CDH8: variants seen among roughly 807,000 people sequenced by gnomAD.
The protein encoded by CDH8 is cadherin 8, also known as cadherin-8.
CDH8 carries 17 observed loss-of-function variants against 68.1 expected under a neutral mutation model. The ratio of observed to expected loss-of-function variants is 0.25; its 90% CI spans 0.17 to 0.37. CDH8 has a LOEUF of 0.37. Ranked by LOEUF, CDH8 falls within the 10% of genes least tolerant of loss-of-function variation. The pLI is 1.00. For synonymous variants in CDH8, 372 were observed against 365.1 expected, an observed-to-expected ratio of 1.02 and a Z score of -0.21; for missense variants, 763 against 999.3, an observed-to-expected ratio of 0.76 and a Z score of 3.19.
At chr16:61,965,558 A>G (rs1965233371) in intron 2 of CDH8, among the ~76,000 whole-genome samples, 1 of 152,238 alleles carries the variant, frequency 6.6e-6, no homozygotes, top group Non-Finnish European at 1.5e-5. Flanking sequence ...TCAGAAAACT[A>G]TCAGTAAAAT....
Position 61,801,923 on chromosome 16 carries a change from A to G in CDH8, c.1278-12441T>C, listed in dbSNP as rs1223535257. Among the ~76,000 whole-genome samples, 3 of 147,238 alleles carry G rather than the reference A, an allele frequency of 2.0e-5. No individual in the cohort carries two copies. In the East Asian group the frequency reaches 6.0e-4, roughly 29 times the overall value. On this transcript the variant is annotated intron_variant, in intron 7 of 11. Transcript: ENST00000577390. Reference sequence around the variant, plus strand: ...CGCCATTGCCCAGGCTTGCTTAGGTAAACAAAGCAGCCGGGAAGCTCCAAC... The same window carrying G: ...CGCCATTGCCCAGGCTTGCTTAGGTGAACAAAGCAGCCGGGAAGCTCCAAC...
intron 4 of CDH8, among the ~76,000 whole-genome samples, chr16:61,850,779 T>A (rs918221701): frequency 2.0e-5 from 3 of 152,012 alleles, no homozygotes; most frequent in Admixed American, 6.6e-5. Flanking sequence ...TTCTCTGTTA[T>A]CACTACTCTA....
chr16:61,890,491 T>C (rs562871823), intron 3 of CDH8, among the ~76,000 whole-genome samples: 1 of 152,116 alleles, frequency 6.6e-6, no homozygotes, highest in African/African-American at 2.4e-5. Flanking sequence ...ATTCAAATTA[T>C]CAGATGCCTA....
intron 2 of CDH8, among the ~76,000 whole-genome samples, chr16:61,978,859 T>G (rs144824384): frequency 5.8e-4 from 89 of 152,266 alleles, no homozygotes; most frequent in Non-Finnish European, 5.7e-4. Context: ...GTAACACACA[T>G]GCTGTTTTTG....
chr16:61,900,960 G>T (rs969690423), intron 3 of CDH8, among the ~76,000 whole-genome samples: 2 of 152,160 alleles, frequency 1.3e-5, no homozygotes, highest in South Asian at 2.1e-4. Flanking sequence ...GTCATGTAAG[G>T]AAAGATATTT....
intron 4 of CDH8, among the ~76,000 whole-genome samples, chr16:61,829,830 G>A (rs1249452642): frequency 6.6e-6 from 1 of 151,770 alleles, no homozygotes; most frequent in Non-Finnish European, 1.5e-5. Flanking sequence ...TCAACCCCAT[G>A]ACTAGCAGAA....
chr16:61,752,527 G>A (rs540580376), intron 8 of CDH8, among the ~76,000 whole-genome samples: 1 of 152,190 alleles, frequency 6.6e-6, no homozygotes, highest in African/African-American at 2.4e-5. Flanking sequence ...TGTTCTTGTA[G>A]GATATTTTAT....
At position 61,928,828 on chromosome 16, in the gene CDH8, G is replaced by A. The variant is rs537704376; in HGVS notation, c.253-27355C>T. Among the ~76,000 whole-genome samples the A allele has an allele frequency of 7.2e-5, 11 of 152,316 alleles. 1 individual carries two copies. The highest frequency in any genetic ancestry group is 2.6e-4 in the African/African-American group (11 of 41,574). On this transcript the variant is annotated intron_variant, in intron 2 of 11. Transcript: ENST00000577390. ...AATGGCATCTGAACATTGTAGAAAA[G>A]GGACATCTACATAAAAGCAGAAGTG...
chr16:61,852,564 A>G (rs1466917089), intron 4 of CDH8, among the ~76,000 whole-genome samples: 1 of 152,088 alleles, frequency 6.6e-6, no homozygotes, highest in Admixed American at 6.6e-5. Context: ...CACTTAAAAC[A>G]TAGTATGAGA....
At chr16:61,998,248 T>G (rs1244772672) in intron 2 of CDH8, among the ~76,000 whole-genome samples, 1 of 152,180 alleles carries the variant, frequency 6.6e-6, no homozygotes, top group Admixed American at 6.6e-5. Flanking sequence ...TGTATTATTA[T>G]TAATATATTG....
At chr16:61,727,538 A>C (rs1468272012) in intron 8 of CDH8, among the ~76,000 whole-genome samples, 2 of 151,094 alleles carry the variant, frequency 1.3e-5, no homozygotes, top group Admixed American at 1.3e-4. Context: ...AAAATGTTGT[A>C]TACAACAAAA....
chr16:61,997,093 C>G (rs1323289812), intron 2 of CDH8, among the ~76,000 whole-genome samples: 1 of 151,778 alleles, frequency 6.6e-6, no homozygotes, highest in Non-Finnish European at 1.5e-5. Flanking sequence ...TCTCCTTTAT[C>G]CTAAGATTCA....
chr16:61,763,727 T>A (rs905404138), intron 8 of CDH8, among the ~76,000 whole-genome samples: 10 of 152,236 alleles, frequency 6.6e-5, no homozygotes, highest in Middle Eastern at 3.4e-3. Flanking sequence ...AGTAGATAGA[T>A]TTCAAGGGAA....
intron 7 of CDH8, among the ~76,000 whole-genome samples, chr16:61,815,607 T>C (rs985981724): frequency 2.0e-5 from 3 of 152,128 alleles, no homozygotes; most frequent in Non-Finnish European, 4.4e-5. Flanking sequence ...TGCTGATATC[T>C]GAACCCTTAT....
At chr16:61,896,420 C>T (rs901793987) in intron 3 of CDH8, among the ~76,000 whole-genome samples, 2 of 152,302 alleles carry the variant, frequency 1.3e-5, no homozygotes, top group Admixed American at 6.5e-5. Flanking sequence ...ACTTTCTGCA[C>T]AATGAAATCC....
At chr16:61,700,382 G>A (rs1964401105) in intron 10 of CDH8, among the ~76,000 whole-genome samples, 1 of 151,454 alleles carries the variant, frequency 6.6e-6, no homozygotes, top group South Asian at 2.1e-4. Context: ...CTGGGTTCAA[G>A]CGATTCTCCT....
chr16:61,970,174 T>C (rs1172187984), intron 2 of CDH8, among the ~76,000 whole-genome samples: 1 of 152,204 alleles, frequency 6.6e-6, no homozygotes, highest in Non-Finnish European at 1.5e-5. Context: ...GTACTCTGCA[T>C]TACACCAAGA....
At chr16:61,655,353 G>C in intron 11 of CDH8, 117 bp downstream of exon 11, 4 of 979,154 alleles carry the variant, frequency 4.1e-6, no homozygotes, top group Non-Finnish European at 6.1e-6. Context: ...AGGAAAGGAA[G>C]TTCCTCTTCC....
chr16:61,973,804 C>A (rs1479945586), intron 2 of CDH8, among the ~76,000 whole-genome samples: 4 of 152,222 alleles, frequency 2.6e-5, no homozygotes, highest in African/African-American at 9.7e-5. Flanking sequence ...TTATAATTTG[C>A]AAATCGATAT....
Sources: gnomAD v4.1 joint callset for allele counts (sites outside exome capture counted in the v4.1 genomes callset) on GRCh38, gnomAD v4.1.1 for gene constraint, MANE v1.5 for transcripts, NCBI Gene and HGNC (gene_info 2026-07-23, HGNC 2026-07-21) for gene names.